TRRAP: variants seen among roughly 807,000 people sequenced by gnomAD.
TRRAP encodes the protein transformation/transcription domain associated protein.
In TRRAP, 41 loss-of-function variants were observed where a neutral mutation model predicts 438.8. The observed-to-expected ratio is 0.09, with a 90% CI of 0.07 to 0.12. The LOEUF (loss-of-function observed/expected upper bound fraction) is 0.12. Ranked by LOEUF, TRRAP falls within the 10% of genes least tolerant of loss-of-function variation. The probability of loss-of-function intolerance (pLI) is 1.00; values close to 1 mark genes in which losing one functional copy is unlikely to be tolerated. For missense variants in TRRAP, 3,122 were observed against 5,055.1 expected, an observed-to-expected ratio of 0.62 and a Z score of 11.60; for synonymous variants, 1,994 against 1,962.9, an observed-to-expected ratio of 1.02 and a Z score of -0.42.
At chr7:98,985,879 C>G (rs1793128978) in intron 62 of TRRAP, among the ~76,000 whole-genome samples, 1 of 152,224 alleles carries the variant, frequency 6.6e-6, no homozygotes. Flanking sequence ...ACCATTACCA[C>G]TAGCTAATTC....
At chr7:98,911,982 G>T (rs1789297407) in intron 17 of TRRAP, 40 bp from the exon 18 acceptor site, 2 of 1,573,820 alleles carry the variant, frequency 1.3e-6, no homozygotes, top group Non-Finnish European at 8.7e-7. Flanking sequence ...CTGCTTTGGG[G>T]AAGGGATTAA....
chr7:98,964,838 G>A, intron 48 of TRRAP, 63 bp downstream of exon 48: 1 of 1,531,238 alleles, frequency 6.5e-7, no homozygotes, highest in Non-Finnish European at 8.8e-7. Flanking sequence ...AGACTCTGTT[G>A]TGCAGGCTGG....
At chr7:98,983,903 C>T (rs1793045208) in intron 60 of TRRAP, among the ~76,000 whole-genome samples, 190 bp from the exon 61 acceptor site, 1 of 152,152 alleles carries the variant, frequency 6.6e-6, no homozygotes, top group Non-Finnish European at 1.5e-5. Context: ...GATGGTAACA[C>T]TCCACTCAAG....
intron 22 of TRRAP, among the ~76,000 whole-genome samples, chr7:98,925,862 A>C (rs1554411460): frequency 6.6e-6 from 1 of 152,206 alleles, no homozygotes; most frequent in African/African-American, 2.4e-5. Flanking sequence ...TTGAAGAGAG[A>C]GGAGTCAAGG....
At position 98,931,616 on chromosome 7, in the gene TRRAP, C is replaced by T; in HGVS notation, c.3803C>T (p.Ala1268Val). Residue 1268 changes from alanine (A) to valine (V), a missense_variant, in exon 26 of 73, where the codon GCC (alanine) becomes GTC (valine). By Grantham distance (64) the Ala-to-Val change is moderately conservative. Around this residue, in one of 24 missense-constraint regions of TRRAP, gnomAD observed 153 missense variants for 223.0 expected, o/e 0.69. Coordinates refer to ENST00000456197, the MANE Select transcript of TRRAP (RefSeq NM_001375524.1). ...KQAMHSLQVL[A>V]QVTGKSVTVI... is the part of the protein sequence containing the mutation. ...GCCATGCATTCGCTGCAGGTGTTGG[C>T]CCAGGTCACTGGGAAGAGTGTCACG... 2 of 1,614,212 alleles carry T rather than the reference C, an allele frequency of 1.2e-6. No homozygotes were observed. Among genetic ancestry groups the T allele is most frequent in the Non-Finnish European group, 1.7e-6 (2 of 1,180,046 alleles).
chr7:98,897,712 G>GA (rs1554405988), intron 7 of TRRAP, 29 bp from the exon 8 acceptor site: 3 of 1,591,098 alleles, frequency 1.9e-6, no homozygotes, highest in Non-Finnish European at 2.6e-6. Context: ...TTGACTTTAG[G>GA]AAAAAATATT....
Position 98,903,442 on chromosome 7 carries a change from C to G in TRRAP, c.961C>G (p.Pro321Ala). 1 of 1,614,194 alleles carries G rather than the reference C, an allele frequency of 6.2e-7. No individual in the cohort carries two copies. Among genetic ancestry groups the G allele is most frequent in the Non-Finnish European group, 8.5e-7 (1 of 1,180,040 alleles). Residue 321 changes from proline (P) to alanine (A), a missense_variant, in exon 12 of 73, where the codon CCA becomes GCA. Physicochemically the swap from Pro to Ala is conservative, Grantham distance 27. This residue lies in a region of TRRAP where 343 missense variants were observed against 564.0 expected (regional missense o/e 0.61). Coordinates refer to ENST00000456197, the MANE Select transcript of TRRAP (RefSeq NM_001375524.1). ...KGMLQLLSNC[P>A]AETAHLRKEL... ...AATGCTCCAGTTACTTTCAAATTGT[C>G]CAGCAGAGACTGCACACCTCAGAAA...
intron 22 of TRRAP, 114 bp downstream of exon 22, chr7:98,925,377 G>A: frequency 7.0e-7 from 1 of 1,422,202 alleles, no homozygotes; most frequent in South Asian, 1.4e-5. Context: ...AAGTCCAGCA[G>A]ATGCCATATT....
intron 30 of TRRAP, among the ~76,000 whole-genome samples, chr7:98,940,082 C>T (rs1790731279): frequency 6.6e-6 from 1 of 151,906 alleles, no homozygotes; most frequent in Non-Finnish European, 1.5e-5. Flanking sequence ...TGGGTTTTCA[C>T]CGTGTTGGCC....
chr7:98,896,861 T>C (rs1796232203), intron 7 of TRRAP, among the ~76,000 whole-genome samples: 1 of 152,206 alleles, frequency 6.6e-6, no homozygotes, highest in Non-Finnish European at 1.5e-5. Context: ...CTGCTTTTCA[T>C]AGGCAGCTGC....
intron 43 of TRRAP, among the ~76,000 whole-genome samples, chr7:98,957,088 G>A (rs1791653712): frequency 6.6e-6 from 1 of 152,036 alleles, no homozygotes; most frequent in South Asian, 2.1e-4. Flanking sequence ...GTCTGCCCTC[G>A]GCTTCTATTA....
Position 98,966,026 on chromosome 7 carries a change from T to A in TRRAP, c.7176+131T>A, listed in dbSNP as rs1009799954. On this transcript the variant is annotated intron_variant, in intron 49 of 72. Transcript: ENST00000456197. ...GTAATTGCACTCACAGCATCTTTTCTTAATTAAGATGGATTTTTGTCTGTA... is the reference window on the plus strand; with the variant it reads ...GTAATTGCACTCACAGCATCTTTTCATAATTAAGATGGATTTTTGTCTGTA... 1.7e-5 allele frequency: 18 copies of A among 1,065,728 alleles called. No homozygotes were observed. In the African/African-American group the frequency reaches 2.9e-4, roughly 17 times the overall value. 66.0% of individuals were successfully genotyped at this position (1,065,728 alleles called of 1,614,324 possible).
In TRRAP at chr7:98,986,849, C is replaced by A. The variant is rs150864457; in HGVS notation, c.9389+1805C>A. 2.5e-3 allele frequency among the ~76,000 whole-genome samples: 377 copies of A among 152,296 alleles called. 2 individuals carry two copies. The highest frequency in any genetic ancestry group is 8.7e-3 in the African/African-American group (363 of 41,570). On this transcript the variant is annotated intron_variant, in intron 62 of 72. Transcript: ENST00000456197. Reference sequence around the variant, plus strand: ...AGATTTAGCTCTTACATTTGGGTCTCTGATCCATTTTGAATAATTTTTTAT... The same window carrying A: ...AGATTTAGCTCTTACATTTGGGTCTATGATCCATTTTGAATAATTTTTTAT...
chr7:98,911,072 A>G lies in TRRAP; in HGVS notation c.1813-5A>G, dbSNP rs373632191. 50 of 1,613,064 alleles carry G rather than the reference A, an allele frequency of 3.1e-5. 1 individual carries two copies. Among genetic ancestry groups the G allele is most frequent in the African/African-American group, 2.7e-4 (20 of 74,988 alleles). On this transcript the variant is annotated splice_polypyrimidine_tract_variant and splice_region_variant and intron_variant, in intron 16 of 72. Coordinates refer to ENST00000456197, the MANE Select transcript of TRRAP (RefSeq NM_001375524.1). ...CCTGTGGGCGGCTTTTTTCCCCTGT[A>G]TTAGGTCCAGATAGCAGGAAATGGA... is the stretch of plus-strand genomic sequence containing the variant.
chr7:98,964,821 A>G, intron 48 of TRRAP, 46 bp downstream of exon 48: 1 of 1,580,390 alleles, frequency 6.3e-7, no homozygotes. Flanking sequence ...TCTGTTGAAC[A>G]GAGAACAGAC....
At chr7:98,968,655 C>T (rs1660169213) in intron 51 of TRRAP, among the ~76,000 whole-genome samples, 1 of 152,136 alleles carries the variant, frequency 6.6e-6, no homozygotes, top group South Asian at 2.1e-4. Flanking sequence ...AACCAGGTCA[C>T]CACGTACTAT....
chr7:98,886,922 A>T (rs868978769), intron 3 of TRRAP, among the ~76,000 whole-genome samples: 1 of 152,138 alleles, frequency 6.6e-6, no homozygotes, highest in African/African-American at 2.4e-5. Context: ...ATTTTTTTAG[A>T]GACAACGTCT....
At chr7:98,970,381 C>T (rs919348505) in intron 52 of TRRAP, 90 bp downstream of exon 52, 17 of 1,461,746 alleles carry the variant, frequency 1.2e-5, no homozygotes, top group South Asian at 7.7e-5. Flanking sequence ...GGTGAGACCC[C>T]GTGCCCCACG....
chr7:98,909,061 T>G, intron 14 of TRRAP, 99 bp downstream of exon 14: 1 of 1,171,040 alleles, frequency 8.5e-7, no homozygotes, highest in Non-Finnish European at 1.2e-6. Flanking sequence ...CCTTGTTCTG[T>G]TGCCTAGGCT....
Sources: allele counts gnomAD v4.1 joint callset (sites outside exome capture counted in the v4.1 genomes callset), GRCh38; gene constraint gnomAD v4.1.1; regional missense constraint gnomAD v4.1.1; transcripts MANE v1.5; gene names NCBI Gene and HGNC (gene_info 2026-07-23, HGNC 2026-07-21).